NAA20: variants seen among roughly 807,000 people sequenced by gnomAD.
The protein encoded by NAA20 is N-alpha-acetyltransferase 20.
Under a neutral mutation model 23.8 loss-of-function variants are expected in NAA20, and 24 were observed. The observed-to-expected ratio is 1.01, with a 90% CI of 0.73 to 1.42. NAA20 has a LOEUF of 1.42. Among genes scored for constraint, NAA20 ranks in the 40% most tolerant of loss-of-function variants. The probability of loss-of-function intolerance (pLI) is 0.00; values close to 1 mark genes in which losing one functional copy is unlikely to be tolerated. For missense variants in NAA20, 166 were observed against 223.1 expected (o/e 0.74, Z 1.63); for synonymous variants, 83 against 77.7 (o/e 1.07, Z -0.36).
intron 1 of NAA20, among the ~76,000 whole-genome samples, chr20:20,019,087 TC>T (rs1416444347): frequency 6.6e-6 from 1 of 152,236 alleles, no homozygotes; most frequent in East Asian, 1.9e-4. Context: ...GTCCTTTCTA[TC>T]CTCCTGACCC....
intron 4 of NAA20, among the ~76,000 whole-genome samples, chr20:20,028,461 A>G (rs1383417110): frequency 6.6e-6 from 1 of 152,134 alleles, no homozygotes; most frequent in African/African-American, 2.4e-5. Context: ...CGTTCTGCAC[A>G]TGTATCCCAG....
At chr20:20,029,020 C>T (rs2043324929) in intron 4 of NAA20, among the ~76,000 whole-genome samples, 1 of 152,074 alleles carries the variant, frequency 6.6e-6, no homozygotes, top group African/African-American at 2.4e-5. Context: ...ACGTCTGCCT[C>T]CCAGGCTCAA....
chr20:20,026,843 C>T lies in NAA20; in HGVS notation c.229C>T (p.Leu77=), dbSNP rs1281641611. The T allele has an allele frequency of 1.2e-6, 2 of 1,614,162 alleles. No individual in the cohort carries two copies. The highest frequency in any genetic ancestry group is 1.7e-6 in the Non-Finnish European group (2 of 1,180,024). ...REEWHGHVTA[L]SVAPEFRRLG... is the part of the protein sequence containing the mutation. ...AGAATGGCACGGGCACGTCACAGCTCTGTCTGTTGCCCCAGAATTTCGACG... is the reference window on the plus strand; with the variant it reads ...AGAATGGCACGGGCACGTCACAGCTTTGTCTGTTGCCCCAGAATTTCGACG... Residue 77 remains leucine (L), a synonymous_variant, in exon 4 of 6, where the codon CTG becomes TTG. Coordinates refer to ENST00000334982, the MANE Select transcript of NAA20 (RefSeq NM_016100.5).
intron 3 of NAA20, among the ~76,000 whole-genome samples, chr20:20,026,316 A>C (rs2043306025): frequency 6.6e-6 from 1 of 152,038 alleles, no homozygotes; most frequent in Non-Finnish European, 1.5e-5. Context: ...AAAAAAAAAA[A>C]AAAATCTTTC....
intron 1 of NAA20, chr20:20,017,835 C>A (rs980934837): frequency 1.3e-6 from 2 of 1,511,458 alleles, no homozygotes; most frequent in East Asian, 4.6e-5. Context: ...CTACTGCTTG[C>A]TGGTTCGTGG....
At position 20,018,113 on chromosome 20, in the gene NAA20, C is replaced by T. The variant is rs1209242998; in HGVS notation, c.53+664C>T. On this transcript the variant is annotated intron_variant, in intron 1 of 5. Transcript: ENST00000334982. ...CACACCTTTCCTCTGTGAGGAGTCA[C>T]GGCAGATCTTAGGGGAGGCTCGCTG... The T allele has an allele frequency of 8.7e-6, 14 of 1,606,922 alleles. No homozygotes were observed. The East Asian group carries it at 2.9e-4, about 33-fold the overall frequency.
intron 1 of NAA20, chr20:20,017,668 G>A: frequency 7.2e-7 from 1 of 1,397,062 alleles, no homozygotes; most frequent in Non-Finnish European, 9.3e-7. Flanking sequence ...GGCGACCTTG[G>A]CCGAGGTGCT....
chr20:20,021,041 G>A (rs56165208), intron 1 of NAA20, among the ~76,000 whole-genome samples: 12 of 28,048 alleles, frequency 4.3e-4, no homozygotes, highest in Non-Finnish European at 7.1e-4. Flanking sequence ...CGGTGGGCGG[G>A]GGGGGGGGGG....
chr20:20,033,041 C>T (rs1156978591), intron 5 of NAA20, 61 bp from the exon 6 acceptor site: 4 of 1,308,110 alleles, frequency 3.1e-6, no homozygotes, highest in African/African-American at 1.5e-5. Context: ...TTTACCTATA[C>T]ACTTTACATT....
At chr20:20,018,134 C>G in intron 1 of NAA20, 1 of 1,574,120 alleles carries the variant, frequency 6.4e-7, no homozygotes, top group Non-Finnish European at 8.7e-7. Context: ...AGGGGAGGCT[C>G]GCTGTGCCCA....
chr20:20,020,600 A>G (rs1601123565), intron 1 of NAA20, among the ~76,000 whole-genome samples: 1 of 152,220 alleles, frequency 6.6e-6, no homozygotes, highest in African/African-American at 2.4e-5. Flanking sequence ...TGGAGGGGCC[A>G]GGAAGGCATC....
chr20:20,031,708 G>GA (rs1220464800), intron 4 of NAA20, among the ~76,000 whole-genome samples: 1 of 152,084 alleles, frequency 6.6e-6, no homozygotes, highest in East Asian at 1.9e-4. Flanking sequence ...TGTAGCGGGG[G>GA]AAAAATTGTA....
At chr20:20,027,032 A>T in intron 4 of NAA20, 113 bp downstream of exon 4, 1 of 1,344,450 alleles carries the variant, frequency 7.4e-7, no homozygotes, top group Non-Finnish European at 1.0e-6. Context: ...TTCATCTTCC[A>T]TCTCCAGTAG....
intron 1 of NAA20, chr20:20,017,827 A>G: frequency 1.3e-6 from 2 of 1,500,078 alleles, no homozygotes; most frequent in Middle Eastern, 2.3e-4. Context: ...GCCCTGCCCT[A>G]CTGCTTGCTG....
chr20:20,024,244 T>A (rs923109585), intron 2 of NAA20, among the ~76,000 whole-genome samples: 1 of 152,236 alleles, frequency 6.6e-6, no homozygotes, highest in East Asian at 1.9e-4. Context: ...CAGGAGATGG[T>A]TAAGTAAATT....
At position 20,017,386 on chromosome 20, in the gene NAA20, G is replaced by A. The variant is rs1169587270; in HGVS notation, c.-11G>A. On this transcript the variant is annotated 5_prime_UTR_variant, in exon 1 of 6. Coordinates refer to ENST00000334982, the MANE Select transcript of NAA20 (RefSeq NM_016100.5). ...TCTTGGCGAACGGTCTTCGGAAGCG[G>A]CGGCGGCGCGATGACCACGCTACGG... The A allele has an allele frequency of 1.2e-6, 2 of 1,611,194 alleles. No individual in the cohort carries two copies. The highest frequency in any genetic ancestry group is 1.7e-5 in the Admixed American group (1 of 59,942).
chr20:20,023,463 C>T (rs1417005890), intron 2 of NAA20, among the ~76,000 whole-genome samples: 1 of 152,122 alleles, frequency 6.6e-6, no homozygotes, highest in African/African-American at 2.4e-5. Context: ...GGACTTGTTA[C>T]TAAAGTGAAG....
Position 20,030,511 on chromosome 20 carries a change from C to T in NAA20, c.306-1997C>T, listed in dbSNP as rs376515299. ...TTTGAAATTAGGGACAAGTTAGTCC[C>T]GCTTCAGTAATTTACTAGAAATTAT... is the stretch of plus-strand genomic sequence containing the variant. On this transcript the variant is annotated intron_variant, in intron 4 of 5. Transcript: ENST00000334982. 1.5e-4 allele frequency among the ~76,000 whole-genome samples: 23 copies of T among 151,960 alleles called. No individual in the cohort carries two copies. The East Asian group carries it at 2.9e-3, about 19-fold the overall frequency.
At chr20:20,026,639 T>C (rs2043308282) in intron 3 of NAA20, 145 bp from the exon 4 acceptor site, 2 of 800,784 alleles carry the variant, frequency 2.5e-6, no homozygotes, top group Admixed American at 2.7e-5. Context: ...ATAAAAGCAC[T>C]AACTGTTAGC....
Sources: gnomAD v4.1 joint callset for allele counts (sites outside exome capture counted in the v4.1 genomes callset) on GRCh38, gnomAD v4.1.1 for gene constraint, MANE v1.5 for transcripts, NCBI Gene and HGNC (gene_info 2026-07-23, HGNC 2026-07-21) for gene names.